DMD: variants seen among roughly 807,000 people sequenced by gnomAD.
DMD encodes the protein mutant dystrophin.
A neutral mutation model predicts 330.1 loss-of-function variants in DMD; 63 were observed. The observed-to-expected ratio is 0.19, with a 90% confidence interval of 0.16 to 0.24. The LOEUF (loss-of-function observed/expected upper bound fraction) is 0.24, where lower values mean the gene tolerates loss of function less well. Among genes scored for constraint, DMD ranks in the 10% least tolerant of loss-of-function variants. DMD has a pLI of 1.00. For synonymous variants in DMD, 1,223 were observed against 959.8 expected, an observed-to-expected ratio of 1.27 and a Z score of -5.07; for missense variants, 3,344 against 2,684.1, an observed-to-expected ratio of 1.25 and a Z score of -5.43.
intron 43 of DMD, among the ~76,000 whole-genome samples, chrX:32,263,700 C>T (rs1032670023): frequency 5.4e-5 from 6 of 111,112 alleles, no homozygotes; most frequent in Non-Finnish European, 7.5e-5. Context: ...TAGCTCTGGA[C>T]GACAAAAGAA....
At chrX:31,305,982 T>C (rs1044461593) in intron 62 of DMD, among the ~76,000 whole-genome samples, 1 of 112,273 alleles carries the variant, frequency 8.9e-6, no homozygotes, top group South Asian at 3.6e-4. Context: ...AAAATATTTT[T>C]TGCTGTTGTT....
At chrX:32,300,133 A>T (rs1331582620) in intron 42 of DMD, among the ~76,000 whole-genome samples, 1 of 112,074 alleles carries the variant, frequency 8.9e-6, no homozygotes, top group African/African-American at 3.2e-5. Context: ...GCATTAATAA[A>T]TATCTGTTGA....
Position 32,027,164 on chromosome X carries a change from G to GCACACACACA in DMD, c.6439-58660_6439-58651dup, listed in dbSNP as rs757441503. 2.5e-3 allele frequency among the ~76,000 whole-genome samples: 224 copies of GCACACACACA among 89,499 alleles called. 3 individuals carry two copies. The highest frequency in any genetic ancestry group is 9.3e-3 in the African/African-American group (212 of 22,764). 77.7% of individuals were successfully genotyped at this position (89,499 alleles called of 115,157 possible). On this transcript the variant is annotated intron_variant, in intron 44 of 78. Transcript: ENST00000357033. ...TTATGACACACACACACACGCACGTGCACACACACACACACACACAGAGAG... is the reference window on the plus strand; with the variant it reads ...TTATGACACACACACACACGCACGTGCACACACACACACACACACACACACACACAGAGAG...
intron 9 of DMD, among the ~76,000 whole-genome samples, chrX:32,689,262 A>G (rs193038323): frequency 9.0e-6 from 1 of 110,807 alleles, no homozygotes; most frequent in Admixed American, 9.7e-5. Context: ...CGCTCCTTTA[A>G]TCTTCATAAA....
chrX:31,224,545 G>C (rs1046775416), intron 63 of DMD, among the ~76,000 whole-genome samples: 1 of 112,160 alleles, frequency 8.9e-6, no homozygotes, highest in Admixed American at 9.5e-5. Context: ...GACACTGCTT[G>C]TTGGGAATGT....
At chrX:32,906,604 T>A (rs867893864) in intron 2 of DMD, among the ~76,000 whole-genome samples, 1 of 111,692 alleles carries the variant, frequency 9.0e-6, no homozygotes, top group African/African-American at 3.3e-5. Context: ...GGAGGCATGG[T>A]CCAGTTATGT....
chrX:31,483,092 G>T (rs1448393960), intron 57 of DMD, among the ~76,000 whole-genome samples: 2 of 98,747 alleles, frequency 2.0e-5, no homozygotes, highest in Non-Finnish European at 4.1e-5. Flanking sequence ...TGTCGCCCAG[G>T]CTGGAGTGCA....
intron 52 of DMD, among the ~76,000 whole-genome samples, chrX:31,688,712 A>C (rs2082880179): frequency 9.0e-6 from 1 of 111,476 alleles, no homozygotes; most frequent in Non-Finnish European, 1.9e-5. Context: ...TCGATGCAAA[A>C]ATCCTCAATA....
chrX:32,537,754 G>A (rs1428102221), intron 17 of DMD, among the ~76,000 whole-genome samples: 1 of 112,112 alleles, frequency 8.9e-6, no homozygotes, highest in Admixed American at 9.5e-5. Flanking sequence ...TCTCCTTTTA[G>A]ATGAATAAGT....
chrX:32,705,756 G>C (rs2064567946), intron 7 of DMD, among the ~76,000 whole-genome samples: 1 of 111,750 alleles, frequency 8.9e-6, no homozygotes, highest in African/African-American at 3.3e-5. Flanking sequence ...TTGTGGTTTT[G>C]ATTTGCATTT....
chrX:33,064,061 T>C (rs1355394261), intron 1 of DMD, among the ~76,000 whole-genome samples: 4 of 111,587 alleles, frequency 3.6e-5, no homozygotes, highest in African/African-American at 6.5e-5. Context: ...ACATAATTGA[T>C]TGCCTTAGAT....
At chrX:32,737,531 G>C (rs1039978729) in intron 7 of DMD, among the ~76,000 whole-genome samples, 1 of 111,153 alleles carries the variant, frequency 9.0e-6, no homozygotes, top group East Asian at 2.9e-4. Flanking sequence ...TTAGCATGTA[G>C]TTTTGGGTTG....
At chrX:32,913,895 T>G (rs756523870) in intron 2 of DMD, among the ~76,000 whole-genome samples, 1 of 111,927 alleles carries the variant, frequency 8.9e-6, no homozygotes, top group Non-Finnish European at 1.9e-5. Context: ...CAGAGGGGTC[T>G]TCACAGGATT....
intron 60 of DMD, among the ~76,000 whole-genome samples, chrX:31,349,310 C>T (rs1040782113): frequency 1.8e-5 from 2 of 111,833 alleles, no homozygotes; most frequent in African/African-American, 6.5e-5. Context: ...GGTGTGGTGG[C>T]GCATGCCTGT....
intron 1 of DMD, among the ~76,000 whole-genome samples, chrX:33,203,214 C>T (rs777331922): frequency 9.0e-6 from 1 of 111,698 alleles, no homozygotes; most frequent in East Asian, 2.8e-4. Context: ...GCAAACTTAC[C>T]TTGTCATAAC....
At chrX:31,858,774 A>C (rs1181659327) in intron 48 of DMD, among the ~76,000 whole-genome samples, 1 of 110,631 alleles carries the variant, frequency 9.0e-6, no homozygotes, top group Non-Finnish European at 1.9e-5. Flanking sequence ...AGTAACAAAG[A>C]TTATGGCCAC....
At chrX:31,204,973 A>G (rs886478685) in intron 66 of DMD, among the ~76,000 whole-genome samples, 1 of 111,623 alleles carries the variant, frequency 9.0e-6, no homozygotes, top group African/African-American at 3.3e-5. Context: ...TTGATTCAAT[A>G]TGTGTCTATC....
At chrX:31,369,981 C>G (rs1225554334) in intron 60 of DMD, among the ~76,000 whole-genome samples, 1 of 109,135 alleles carries the variant, frequency 9.2e-6, no homozygotes, top group Non-Finnish European at 1.9e-5. Context: ...GGCCTGTAGT[C>G]CCAGCTACTC....
In DMD at chrX:32,348,530, T is replaced by G; in HGVS notation, c.5326-2A>C. 8.5e-7 allele frequency: 1 copy of G among 1,178,878 alleles called. No homozygotes were observed. ...CAATTCCTTCAAAGGAATGGAGGCC[T>G]AAAAAAAAAGATAGTGCTACTTTAA... is the stretch of plus-strand genomic sequence containing the variant. On this transcript the variant is annotated splice_acceptor_variant, in intron 37 of 78. Transcript: ENST00000357033. LOFTEE classifies it high-confidence loss of function.
Sources: gnomAD v4.1 joint callset for allele counts (sites outside exome capture counted in the v4.1 genomes callset) on GRCh38, gnomAD v4.1.1 for gene constraint, MANE v1.5 for transcripts, NCBI Gene and HGNC (gene_info 2026-07-23, HGNC 2026-07-21) for gene names.